KIAA1549L: variants seen among roughly 807,000 people sequenced by gnomAD.
KIAA1549L encodes UPF0606 protein KIAA1549L.
KIAA1549L carries 88 observed loss-of-function variants against 160.7 expected under a neutral mutation model. That is an observed-to-expected ratio of 0.55 (90% CI 0.46 to 0.65). The LOEUF is 0.65. Among genes scored for constraint, KIAA1549L ranks in the 30% least tolerant of loss-of-function variants. The pLI, the probability that KIAA1549L is intolerant of heterozygous loss-of-function variation, is 0.00. For synonymous variants in KIAA1549L, 950 were observed against 976.7 expected, an observed-to-expected ratio of 0.97 and a Z score of 0.51; for missense variants, 2,258 against 2,437.5, an observed-to-expected ratio of 0.93 and a Z score of 1.55.
chr11:33,461,707 A>C lies in KIAA1549L; in HGVS notation c.239-80095A>C, dbSNP rs916217764. On this transcript the variant is annotated intron_variant, in intron 1 of 20. Transcript: ENST00000658780. ...ATCAGCCAACATTTACAGAGTGCTC[A>C]CCATGTGCCAGACATACTGAGTCTT... 1.8e-4 allele frequency among the ~76,000 whole-genome samples: 28 copies of C among 152,326 alleles called. No homozygotes were observed. The South Asian group carries it at 4.1e-3, about 23-fold the overall frequency.
intron 16 of KIAA1549L, among the ~76,000 whole-genome samples, chr11:33,623,296 T>C (rs964697444): frequency 7.2e-5 from 11 of 152,140 alleles, no homozygotes; most frequent in African/African-American, 2.7e-4. Flanking sequence ...TGTCCTTTAT[T>C]CTAGAAGCAA....
At chr11:33,485,476 ATTAT>A (rs1437939600) in intron 1 of KIAA1549L, among the ~76,000 whole-genome samples, 1 of 152,092 alleles carries the variant, frequency 6.6e-6, no homozygotes, top group Non-Finnish European at 1.5e-5. Context: ...TGTTTTTTAA[ATTAT>A]TTATTTTTTA....
At position 33,443,284 on chromosome 11, in the gene KIAA1549L, G is replaced by T. The variant is rs79646655; in HGVS notation, c.238+66395G>T. ...CACAGTGGTGCGATTACAGGCATGA[G>T]CCACCATGCTTGGCCCATTTGCTCT... On this transcript the variant is annotated intron_variant, in intron 1 of 20. Coordinates refer to ENST00000658780, the MANE Select transcript of KIAA1549L (RefSeq NM_012194.3). Among the ~76,000 whole-genome samples, 799 of 152,082 alleles carry T rather than the reference G, an allele frequency of 5.3e-3. 5 individuals are homozygous for T. Among genetic ancestry groups the T allele is most frequent in the African/African-American group, 0.019 (771 of 41,512 alleles).
At chr11:33,401,664 C>T (rs1011244801) in intron 1 of KIAA1549L, among the ~76,000 whole-genome samples, 5 of 152,106 alleles carry the variant, frequency 3.3e-5, no homozygotes, top group South Asian at 2.1e-4. Flanking sequence ...TGGGTTCAAC[C>T]GATCCTCCCA....
intron 16 of KIAA1549L, among the ~76,000 whole-genome samples, chr11:33,637,891 C>G (rs1238765197): frequency 6.6e-6 from 1 of 152,216 alleles, no homozygotes; most frequent in Non-Finnish European, 1.5e-5. Context: ...AGGACTTCAA[C>G]ATAAAAATTT....
chr11:33,461,887 C>T (rs1851949490), intron 1 of KIAA1549L, among the ~76,000 whole-genome samples: 1 of 152,182 alleles, frequency 6.6e-6, no homozygotes, highest in African/African-American at 2.4e-5. Flanking sequence ...AGGGCTTAGG[C>T]AATCAACCCC....
intron 1 of KIAA1549L, among the ~76,000 whole-genome samples, chr11:33,521,823 C>T (rs1189730848): frequency 6.6e-6 from 1 of 152,196 alleles, no homozygotes; most frequent in Non-Finnish European, 1.5e-5. Flanking sequence ...TGTTGCTAAT[C>T]ACAGATTGGT....
chr11:33,580,101 C>T (rs4755201), intron 10 of KIAA1549L, among the ~76,000 whole-genome samples: 30,759 of 152,128 alleles, frequency 0.2, 3,561 homozygotes, highest in East Asian at 0.37. Context: ...CTCTGGGTGA[C>T]AAGGCAGCAT....
chr11:33,660,766 C>T, intron 19 of KIAA1549L, 97 bp from the exon 20 acceptor site: 1 of 1,205,888 alleles, frequency 8.3e-7, no homozygotes. Context: ...AGCAGCCAGC[C>T]AGGGAGCCAA....
chr11:33,484,786 T>C (rs1852487216), intron 1 of KIAA1549L, among the ~76,000 whole-genome samples: 1 of 152,230 alleles, frequency 6.6e-6, no homozygotes, highest in Non-Finnish European at 1.5e-5. Context: ...CACTCCAGAA[T>C]TTATAAGTTT....
At chr11:33,491,076 G>A (rs1852647037) in intron 1 of KIAA1549L, among the ~76,000 whole-genome samples, 1 of 152,224 alleles carries the variant, frequency 6.6e-6, no homozygotes, top group East Asian at 1.9e-4. Flanking sequence ...TAGACTCTGA[G>A]TTTCTTGAGG....
intron 10 of KIAA1549L, among the ~76,000 whole-genome samples, chr11:33,576,811 G>A (rs190237395): frequency 1.3e-5 from 2 of 152,310 alleles, no homozygotes; most frequent in East Asian, 3.9e-4. Flanking sequence ...GGTCAAAGAG[G>A]ATAAGTGGGG....
chr11:33,504,334 C>G (rs1024249232), intron 1 of KIAA1549L, among the ~76,000 whole-genome samples: 1 of 152,180 alleles, frequency 6.6e-6, no homozygotes, highest in African/African-American at 2.4e-5. Flanking sequence ...ATCATCATCA[C>G]TTATTGTTTG....
intron 4 of KIAA1549L, 80 bp downstream of exon 4, chr11:33,547,959 C>A: frequency 1.1e-6 from 1 of 907,362 alleles, no homozygotes; most frequent in Non-Finnish European, 1.8e-6. Flanking sequence ...TTGTTTTCCT[C>A]CTTTCTAGGG....
At chr11:33,465,064 T>G in intron 1 of KIAA1549L, among the ~76,000 whole-genome samples, 1 of 138,890 alleles carries the variant, frequency 7.2e-6, no homozygotes. Flanking sequence ...TTTTTTTTTT[T>G]TTTTTTTTTG....
In KIAA1549L at chr11:33,569,877, G is replaced by A. The variant is rs540490789; in HGVS notation, c.4230+1650G>A. The stretch of plus-strand genomic sequence containing the variant: ...ACTGGTGCTCAGATAATGGAACTGG[G>A]ATTTGCATCAGCCAAAGGGGGAGAA... On this transcript the variant is annotated intron_variant, in intron 9 of 20. Transcript: ENST00000658780. Among the ~76,000 whole-genome samples the A allele has an allele frequency of 7.9e-5, 12 of 152,292 alleles. 1 individual carries two copies. In the South Asian group the frequency reaches 2.5e-3, roughly 32 times the overall value.
intron 16 of KIAA1549L, among the ~76,000 whole-genome samples, chr11:33,625,462 G>C (rs1430380243): frequency 2.6e-5 from 4 of 152,164 alleles, no homozygotes; most frequent in Non-Finnish European, 4.4e-5. Flanking sequence ...TAACTGGTGT[G>C]AGATGGTATC....
chr11:33,500,314 T>C (rs1400095093), intron 1 of KIAA1549L, among the ~76,000 whole-genome samples: 1 of 152,178 alleles, frequency 6.6e-6, no homozygotes, highest in Admixed American at 6.5e-5. Context: ...AGTACTGATA[T>C]GAGAATTAAA....
intron 16 of KIAA1549L, 101 bp from the exon 17 acceptor site, chr11:33,645,585 G>T: frequency 1.2e-6 from 1 of 838,166 alleles, no homozygotes; most frequent in Admixed American, 2.2e-5. Flanking sequence ...TAGCACAGAT[G>T]CATCCTAGCA....
Sources: allele counts gnomAD v4.1 joint callset (sites outside exome capture counted in the v4.1 genomes callset), GRCh38; gene constraint gnomAD v4.1.1; transcripts MANE v1.5; gene names NCBI Gene and HGNC (gene_info 2026-07-23, HGNC 2026-07-21).